UBE2E1: variants seen among roughly 807,000 people sequenced by gnomAD.
The protein encoded by UBE2E1 is ubiquitin-conjugating enzyme E2 E1.
UBE2E1 carries 6 observed loss-of-function variants against 21.4 expected under a neutral mutation model. The ratio of observed to expected loss-of-function variants is 0.28; its 90% confidence interval spans 0.15 to 0.55. The LOEUF (loss-of-function observed/expected upper bound fraction) is 0.55, where lower values mean the gene tolerates loss of function less well. Among genes scored for constraint, UBE2E1 ranks in the 20% least tolerant of loss-of-function variants. The pLI is 0.93. For synonymous variants in UBE2E1, 87 were observed against 82.7 expected (o/e 1.05, Z -0.28); for missense variants, 142 against 236.5 (o/e 0.60, Z 2.62).
chr3:23,872,392 G>T (rs1380341747), intron 3 of UBE2E1, among the ~76,000 whole-genome samples: 2 of 151,958 alleles, frequency 1.3e-5, no homozygotes, highest in African/African-American at 4.8e-5. Context: ...GGGAGAGGGA[G>T]AGGGAGAGGC....
chr3:23,830,853 T>G (rs1310047607), intron 3 of UBE2E1, among the ~76,000 whole-genome samples: 1 of 152,226 alleles, frequency 6.6e-6, no homozygotes, highest in Non-Finnish European at 1.5e-5. Flanking sequence ...TCTGTTGCGG[T>G]CTTAACTGTG....
intron 3 of UBE2E1, among the ~76,000 whole-genome samples, chr3:23,820,559 T>G (rs1473562975): frequency 2.0e-5 from 3 of 152,078 alleles, no homozygotes; most frequent in African/African-American, 7.2e-5. Flanking sequence ...ATTGGGGCAG[T>G]GTGTTGTTCA....
rs1157452022 is a variant in UBE2E1, at chr3:23,879,251, CCTTA to C, written c.204-8312_204-8309del. 8 of 894,578 alleles carry C rather than the reference CCTTA, an allele frequency of 8.9e-6. No homozygotes were observed. The East Asian group carries it at 2.8e-4, about 31-fold the overall frequency. 55.4% of individuals were successfully genotyped at this position (894,578 alleles called of 1,614,324 possible). On this transcript the variant is annotated intron_variant, in intron 3 of 5. Coordinates refer to ENST00000306627, the MANE Select transcript of UBE2E1 (RefSeq NM_003341.5). ...ATCTGGCATATGACTTCCACAGTGGCCTTACTTTGTCCTAAACACCTACATCCCA... is the reference window on the plus strand; with the variant it reads ...ATCTGGCATATGACTTCCACAGTGGCCTTTGTCCTAAACACCTACATCCCA...
intron 3 of UBE2E1, among the ~76,000 whole-genome samples, chr3:23,865,621 T>A (rs1253259506): frequency 6.6e-6 from 1 of 152,228 alleles, no homozygotes; most frequent in Non-Finnish European, 1.5e-5. Flanking sequence ...TCCAAAGTGC[T>A]GGCTCACACC....
chr3:23,811,749 A>G (rs1458685431), intron 3 of UBE2E1, among the ~76,000 whole-genome samples: 2 of 152,244 alleles, frequency 1.3e-5, no homozygotes, highest in Non-Finnish European at 2.9e-5. Context: ...CATATATGAA[A>G]CAAAACTAAA....
intron 3 of UBE2E1, among the ~76,000 whole-genome samples, chr3:23,845,585 C>CTGTGTGTGTGTGTG (rs71620797): frequency 0.039 from 3,790 of 97,292 alleles, 75 homozygotes; most frequent in South Asian, 0.087. Flanking sequence ...CTCTCTCTCT[C>CTGTGTGTGTGTGTG]TCTCTGTGTG....
At chr3:23,871,605 C>T (rs930371029) in intron 3 of UBE2E1, among the ~76,000 whole-genome samples, 4 of 151,834 alleles carry the variant, frequency 2.6e-5, no homozygotes, top group Non-Finnish European at 4.4e-5. Context: ...AGAGGCTCCT[C>T]ACTTCTCAGA....
intron 3 of UBE2E1, among the ~76,000 whole-genome samples, chr3:23,850,187 G>T (rs754381273): frequency 8.6e-5 from 13 of 151,996 alleles, no homozygotes; most frequent in Non-Finnish European, 1.9e-4. Context: ...AATCTATTAA[G>T]ACAAGGTTTC....
At chr3:23,817,796 A>C (rs896143423) in intron 3 of UBE2E1, among the ~76,000 whole-genome samples, 2 of 152,204 alleles carry the variant, frequency 1.3e-5, no homozygotes, top group African/African-American at 4.8e-5. Context: ...GAGAGGAAGA[A>C]ACATTAGTGG....
chr3:23,885,901 CTCTG>C (rs1471347445), intron 3 of UBE2E1, among the ~76,000 whole-genome samples: 1 of 151,274 alleles, frequency 6.6e-6, no homozygotes, highest in Non-Finnish European at 1.5e-5. Context: ...AAAAAACTCT[CTCTG>C]TATCTAAAAC....
chr3:23,812,053 G>T (rs972095400), intron 3 of UBE2E1, among the ~76,000 whole-genome samples: 1 of 151,990 alleles, frequency 6.6e-6, no homozygotes, highest in Non-Finnish European at 1.5e-5. Context: ...TTCATGGGGT[G>T]TTTTTTTCAC....
chr3:23,856,787 G>C (rs1700449962), intron 3 of UBE2E1, among the ~76,000 whole-genome samples: 1 of 152,106 alleles, frequency 6.6e-6, no homozygotes, highest in South Asian at 2.1e-4. Context: ...TTAATGTCAT[G>C]ATTATCAAGA....
At chr3:23,871,951 C>T (rs1700804969) in intron 3 of UBE2E1, among the ~76,000 whole-genome samples, 1 of 150,768 alleles carries the variant, frequency 6.6e-6, no homozygotes, top group East Asian at 1.9e-4. Flanking sequence ...CAGAGACGCT[C>T]CTCACTTCCC....
rs1189751515 is a variant in UBE2E1, at chr3:23,857,020, G to A, written c.204-30547G>A. On this transcript the variant is annotated intron_variant, in intron 3 of 5. Coordinates refer to ENST00000306627, the MANE Select transcript of UBE2E1 (RefSeq NM_003341.5). Reference sequence around the variant, plus strand: ...GTCTCTTAAAAAAAAAAAAAAAAAAGAGAGAGAATGAGAAATGCCATTTAA... The same window carrying A: ...GTCTCTTAAAAAAAAAAAAAAAAAAAAGAGAGAATGAGAAATGCCATTTAA... 8.3e-4 allele frequency among the ~76,000 whole-genome samples: 73 copies of A among 87,626 alleles called. No homozygotes were observed. The South Asian group carries it at 0.027, about 33-fold the overall frequency. The allele number at this position is 87,626 out of a possible 152,430, so 57.5% of individuals were successfully genotyped here. A position where few individuals can be genotyped will look rare whatever the true frequency, so the allele number is the denominator to read the frequency against.
At chr3:23,888,908 G>A (rs369272699) in intron 4 of UBE2E1, among the ~76,000 whole-genome samples, 22 of 152,304 alleles carry the variant, frequency 1.4e-4, no homozygotes, top group East Asian at 7.7e-4. Context: ...TGAACTTACC[G>A]TCAGTGGACA....
chr3:23,824,119 A>G (rs373974031), intron 3 of UBE2E1, among the ~76,000 whole-genome samples: 1 of 152,328 alleles, frequency 6.6e-6, no homozygotes, highest in South Asian at 2.1e-4. Context: ...GGGGATTTCT[A>G]CTTCTACATT....
chr3:23,825,962 G>C (rs1699749244), intron 3 of UBE2E1, among the ~76,000 whole-genome samples: 1 of 152,150 alleles, frequency 6.6e-6, no homozygotes, highest in Non-Finnish European at 1.5e-5. Context: ...ATCACTCAAG[G>C]CTGGGAGTTT....
At chr3:23,849,098 T>C (rs1700269068) in intron 3 of UBE2E1, among the ~76,000 whole-genome samples, 1 of 152,246 alleles carries the variant, frequency 6.6e-6, no homozygotes, top group Admixed American at 6.5e-5. Context: ...AGTTTTTGCA[T>C]GGCTATATTT....
chr3:23,822,778 T>C (rs1034571574), intron 3 of UBE2E1, among the ~76,000 whole-genome samples: 5 of 152,242 alleles, frequency 3.3e-5, no homozygotes, highest in African/African-American at 1.2e-4. Flanking sequence ...TATTTACTTT[T>C]AACACAGCAT....
Sources: allele counts gnomAD v4.1 joint callset (sites outside exome capture counted in the v4.1 genomes callset), GRCh38; gene constraint gnomAD v4.1.1; transcripts MANE v1.5; gene names NCBI Gene and HGNC (gene_info 2026-07-23, HGNC 2026-07-21).